Variants in RAB1A observed in about 807,000 individuals in gnomAD.
RAB1A encodes the protein RAB1A, member RAS oncogene family.
Under a neutral mutation model 26.0 loss-of-function variants are expected in RAB1A, and 2 were observed. The observed-to-expected ratio is 0.08, with a 90% confidence interval of 0.03 to 0.24. RAB1A has a LOEUF of 0.24. RAB1A is among the 10% of genes least tolerant of loss of function. The probability of loss-of-function intolerance (pLI) is 1.00; values close to 1 mark genes in which losing one functional copy is unlikely to be tolerated. For synonymous variants in RAB1A, 84 were observed against 84.9 expected (o/e 0.99, Z 0.06); for missense variants, 100 against 247.0 (o/e 0.40, Z 3.99).
At chr2:65,119,988 G>A (rs1341677231) in intron 1 of RAB1A, among the ~76,000 whole-genome samples, 1 of 151,800 alleles carries the variant, frequency 6.6e-6, no homozygotes, top group African/African-American at 2.4e-5. Context: ...AAATCCAACT[G>A]CTCTTCATCA....
intron 3 of RAB1A, among the ~76,000 whole-genome samples, chr2:65,096,875 G>A (rs1669300972): frequency 6.6e-6 from 1 of 152,166 alleles, no homozygotes; most frequent in South Asian, 2.1e-4. Context: ...CTGCCCAAAA[G>A]TTTACAAAGG....
intron 3 of RAB1A, among the ~76,000 whole-genome samples, chr2:65,091,530 C>CT (rs145464700): frequency 0.01 from 1,532 of 152,044 alleles, 14 homozygotes; most frequent in South Asian, 0.028. Context: ...AAGCAGGTGT[C>CT]TTTTTTTTCC....
chr2:65,103,304 A>AAAAAAAAC (rs1553392771), intron 2 of RAB1A, among the ~76,000 whole-genome samples: 1 of 112,502 alleles, frequency 8.9e-6, no homozygotes, highest in Non-Finnish European at 1.8e-5. Context: ...TGTCTCAAAA[A>AAAAAAAAC]AAAAAAAAAA....
intron 1 of RAB1A, among the ~76,000 whole-genome samples, chr2:65,112,086 A>C (rs1049297567): frequency 8.5e-5 from 13 of 152,180 alleles, no homozygotes; most frequent in Non-Finnish European, 1.2e-4. Context: ...CCATCTCAAA[A>C]AAAACAAAAC....
At chr2:65,119,316 G>A (rs552802822) in intron 1 of RAB1A, among the ~76,000 whole-genome samples, 17 of 152,172 alleles carry the variant, frequency 1.1e-4, no homozygotes, top group African/African-American at 3.9e-4. Context: ...GACCAGCGTG[G>A]TCAACATGGT....
chr2:65,109,059 G>A (rs957216027), intron 1 of RAB1A, among the ~76,000 whole-genome samples: 1 of 152,140 alleles, frequency 6.6e-6, no homozygotes, highest in African/African-American at 2.4e-5. Flanking sequence ...TCAGTGACAC[G>A]TTAACTTGCA....
chr2:65,094,382 C>T (rs1024807590), intron 3 of RAB1A, among the ~76,000 whole-genome samples: 2 of 152,054 alleles, frequency 1.3e-5, no homozygotes, highest in African/African-American at 4.8e-5. Flanking sequence ...GTCGGGAGTT[C>T]GAGACCAGCG....
intron 1 of RAB1A, among the ~76,000 whole-genome samples, chr2:65,126,947 C>A (rs1456710162): frequency 6.6e-6 from 1 of 152,198 alleles, no homozygotes; most frequent in Non-Finnish European, 1.5e-5. Flanking sequence ...TCTGATTGCT[C>A]ACTGCCCTTG....
chr2:65,127,721 C>G (rs1349072351), intron 1 of RAB1A, among the ~76,000 whole-genome samples: 1 of 152,160 alleles, frequency 6.6e-6, no homozygotes, highest in Admixed American at 6.5e-5. Flanking sequence ...GATTGAAACT[C>G]CGTCTCAAAA....
intron 1 of RAB1A, among the ~76,000 whole-genome samples, chr2:65,118,215 T>C (rs1034230863): frequency 6.6e-6 from 1 of 152,200 alleles, no homozygotes; most frequent in Non-Finnish European, 1.5e-5. Context: ...TAACTAAAAC[T>C]TTCTGTTAAC....
chr2:65,098,929 G>A (rs1407351924), intron 2 of RAB1A, among the ~76,000 whole-genome samples: 2 of 145,254 alleles, frequency 1.4e-5, no homozygotes, highest in Non-Finnish European at 3.0e-5. Flanking sequence ...TCTGTCTCCC[G>A]GGGTCCAAGC....
At chr2:65,122,166 A>T (rs867515584) in intron 1 of RAB1A, among the ~76,000 whole-genome samples, 76,152 of 128,766 alleles carry the variant, frequency 0.59, 23,927 homozygotes, top group East Asian at 0.66. Context: ...AAAAAAAAAA[A>T]AAAAAAAAAA....
chr2:65,100,400 C>CAAAA (rs34166798), intron 2 of RAB1A, among the ~76,000 whole-genome samples: 613 of 57,910 alleles, frequency 0.011, 20 homozygotes, highest in African/African-American at 0.036. Flanking sequence ...GTCTCTGTCT[C>CAAAA]AAAAAAAAAA....
intron 2 of RAB1A, among the ~76,000 whole-genome samples, chr2:65,103,009 T>C (rs1669466898): frequency 6.6e-6 from 1 of 151,760 alleles, no homozygotes; most frequent in Admixed American, 6.6e-5. Flanking sequence ...CAAATGCTTT[T>C]CTTTTCTCCA....
rs999164025 is a variant in RAB1A, at chr2:65,087,406, A to G, written c.*1087T>C. 6.6e-6 allele frequency: 1 copy of G among 152,614 alleles called. No individual in the cohort carries two copies. Among genetic ancestry groups the G allele is most frequent in the African/African-American group, 2.4e-5 (1 of 41,442 alleles). The allele number at this position is 152,614 out of a possible 1,614,324, so 9.5% of individuals were successfully genotyped here. A position where few individuals can be genotyped will look rare whatever the true frequency, so the allele number is the denominator to read the frequency against. On this transcript the variant is annotated 3_prime_UTR_variant, in exon 6 of 6. Transcript: ENST00000409784. Reference sequence around the variant, plus strand: ...CTTAATGCTTAAACCCTCCTCCAACACCAAGTTAAGCAACTGTGGAGGATA... The same window carrying G: ...CTTAATGCTTAAACCCTCCTCCAACGCCAAGTTAAGCAACTGTGGAGGATA...
chr2:65,088,891 TAATTCAACACCTTCA>T, intron 5 of RAB1A, 33 bp downstream of exon 5: 2 of 1,549,130 alleles, frequency 1.3e-6, no homozygotes, highest in Non-Finnish European at 1.8e-6. Context: ...AACCCATACA[TAATTCAACACCTTCA>T]AATTCAGTAT....
chr2:65,117,604 T>A (rs1204715109), intron 1 of RAB1A, among the ~76,000 whole-genome samples: 1 of 152,188 alleles, frequency 6.6e-6, no homozygotes, highest in Non-Finnish European at 1.5e-5. Context: ...TCTCACTCTG[T>A]CACCTAGGCT....
intron 1 of RAB1A, among the ~76,000 whole-genome samples, chr2:65,122,558 T>C (rs1669992664): frequency 6.6e-6 from 1 of 152,086 alleles, no homozygotes; most frequent in African/African-American, 2.4e-5. Flanking sequence ...TAAGACCCTA[T>C]ATCTCAAAAA....
At chr2:65,110,055 G>C (rs1191770819) in intron 1 of RAB1A, among the ~76,000 whole-genome samples, 1 of 152,170 alleles carries the variant, frequency 6.6e-6, no homozygotes, top group African/African-American at 2.4e-5. Context: ...TTCGTTGTGA[G>C]ATACAGCTAC....
Sources: gnomAD v4.1 joint callset for allele counts (sites outside exome capture counted in the v4.1 genomes callset) on GRCh38, gnomAD v4.1.1 for gene constraint, MANE v1.5 for transcripts, NCBI Gene and HGNC (gene_info 2026-07-23, HGNC 2026-07-21) for gene names.